YY1: variants seen among roughly 807,000 people sequenced by gnomAD.
YY1 encodes transcriptional repressor protein YY1.
In YY1, 2 loss-of-function variants were observed where a neutral mutation model predicts 35.6. The ratio of observed to expected loss-of-function variants is 0.06; its 90% CI spans 0.02 to 0.18. The LOEUF is 0.18. Ranked by LOEUF, YY1 falls within the 10% of genes least tolerant of loss-of-function variation. YY1 has a pLI of 1.00. For synonymous variants in YY1, 268 were observed against 238.9 expected (o/e 1.12, Z -1.12); for missense variants, 322 against 573.4 (o/e 0.56, Z 4.48).
chr14:100,269,706 T>C (rs916955108), intron 2 of YY1, among the ~76,000 whole-genome samples: 7 of 152,226 alleles, frequency 4.6e-5, no homozygotes, highest in African/African-American at 1.7e-4. Flanking sequence ...TGAAGGAGGA[T>C]GATTTGCCAA....
chr14:100,272,870 C>T (rs1891262443), intron 2 of YY1, among the ~76,000 whole-genome samples: 1 of 151,822 alleles, frequency 6.6e-6, no homozygotes, highest in Admixed American at 6.6e-5. Flanking sequence ...TTAGTTCCCA[C>T]TTATAAGTGA....
At chr14:100,250,523 AC>A (rs1353026589) in intron 1 of YY1, among the ~76,000 whole-genome samples, 1 of 151,992 alleles carries the variant, frequency 6.6e-6, no homozygotes, top group Non-Finnish European at 1.5e-5. Flanking sequence ...ATTACCATCA[AC>A]CCTAATGAGG....
At position 100,262,297 on chromosome 14, in the gene YY1, G is replaced by GT; in HGVS notation, c.680-4dup. On this transcript the variant is annotated splice_region_variant and splice_polypyrimidine_tract_variant and intron_variant, in intron 1 of 4. Coordinates refer to ENST00000262238, the MANE Select transcript of YY1 (RefSeq NM_003403.5). ...TCAGCTAAAGATAATCTCATGATGTGTTTCAGATGAAAAAAAAGATATTGA... is the reference window on the plus strand; with the variant it reads ...TCAGCTAAAGATAATCTCATGATGTGTTTTCAGATGAAAAAAAAGATATTGA... 1.9e-6 allele frequency: 3 copies of GT among 1,613,250 alleles called. No individual in the cohort carries two copies. The highest frequency in any genetic ancestry group is 2.5e-6 in the Non-Finnish European group (3 of 1,179,852).
At chr14:100,242,158 A>G (rs1434640153) in intron 1 of YY1, among the ~76,000 whole-genome samples, 1 of 152,066 alleles carries the variant, frequency 6.6e-6, no homozygotes, top group African/African-American at 2.4e-5. Context: ...AATTTAGAAA[A>G]CCGACATATT....
chr14:100,242,679 C>T (rs530918771), intron 1 of YY1, among the ~76,000 whole-genome samples: 22 of 152,278 alleles, frequency 1.4e-4, no homozygotes, highest in Admixed American at 1.1e-3. Context: ...TGAGCCACCG[C>T]GCCCAGCCAA....
At chr14:100,259,941 C>T (rs995131138) in intron 1 of YY1, among the ~76,000 whole-genome samples, 2 of 152,194 alleles carry the variant, frequency 1.3e-5, no homozygotes, top group Non-Finnish European at 2.9e-5. Context: ...GCTATATTTT[C>T]TGTGCCAGTT....
intron 2 of YY1, among the ~76,000 whole-genome samples, chr14:100,271,191 G>A (rs1487711509): frequency 1.3e-5 from 2 of 152,172 alleles, no homozygotes; most frequent in African/African-American, 4.8e-5. Flanking sequence ...AGCTTGCAGT[G>A]AGCTGAGATT....
chr14:100,240,303 C>T (rs1030727199), intron 1 of YY1, among the ~76,000 whole-genome samples: 9 of 146,530 alleles, frequency 6.1e-5, no homozygotes, highest in African/African-American at 1.2e-4. Flanking sequence ...CTGCGCGCCC[C>T]CGGCCCGGGC....
intron 2 of YY1, among the ~76,000 whole-genome samples, chr14:100,264,474 C>G (rs1425931178): frequency 6.6e-6 from 1 of 152,068 alleles, no homozygotes; most frequent in Non-Finnish European, 1.5e-5. Context: ...ACCCAGCTGG[C>G]CCTAGAGTTT....
At position 100,239,843 on chromosome 14, in the gene YY1, C is replaced by G; in HGVS notation, c.599C>G (p.Pro200Arg). The G allele has an allele frequency of 1.3e-6, 2 of 1,502,590 alleles. No individual in the cohort carries two copies. The highest frequency in any genetic ancestry group is 1.8e-6 in the Non-Finnish European group (2 of 1,132,052). The allele number at this position is 1,502,590 out of a possible 1,614,324, so 93.1% of individuals were successfully genotyped here. A position where few individuals can be genotyped will look rare whatever the true frequency, so the allele number is the denominator to read the frequency against. The stretch of plus-strand genomic sequence containing the variant: ...GCGGCGGGCGGCGGCGGCGCCGACC[C>G]GGGCAACAAGAAGTGGGAGCAGAAG... ...AGAAGGGGAD[P>R]GNKKWEQKQV... is the part of the protein sequence containing the mutation. Residue 200 changes from proline (P) to arginine (R), a missense_variant, in exon 1 of 5, where the codon CCG becomes CGG. Around this residue, in one of 4 missense-constraint regions of YY1, gnomAD observed 152 missense variants for 167.1 expected, o/e 0.91. Transcript: ENST00000262238.
intron 1 of YY1, 92 bp downstream of exon 1, chr14:100,240,015 C>T (rs1890703634): frequency 6.2e-6 from 8 of 1,286,736 alleles, no homozygotes; most frequent in Admixed American, 3.0e-5. Flanking sequence ...CCATCTTCTT[C>T]GCCAGGGCAA....
At chr14:100,260,291 G>A (rs1891062960) in intron 1 of YY1, among the ~76,000 whole-genome samples, 1 of 151,446 alleles carries the variant, frequency 6.6e-6, no homozygotes, top group Non-Finnish European at 1.5e-5. Flanking sequence ...TGGCCAGGCT[G>A]GTCTTGAACT....
chr14:100,266,056 A>G (rs1891149634), intron 2 of YY1, among the ~76,000 whole-genome samples: 1 of 152,068 alleles, frequency 6.6e-6, no homozygotes, highest in Non-Finnish European at 1.5e-5. Flanking sequence ...GCGGCAAGAG[A>G]AAAATGAGGT....
rs765552640 is a variant in YY1, at chr14:100,282,658, T to C, written c.*5058T>C. On this transcript the variant is annotated 3_prime_UTR_variant, in exon 5 of 5. Coordinates refer to ENST00000262238, the MANE Select transcript of YY1 (RefSeq NM_003403.5). The stretch of plus-strand genomic sequence containing the variant: ...CTCATAGGTCATAGATGCAGAAATA[T>C]AGTATTTAAGGCATCCGCATCCAGC... The C allele has an allele frequency of 1.3e-5, 2 of 152,234 alleles. No individual in the cohort carries two copies. The highest frequency in any genetic ancestry group is 2.4e-5 in the African/African-American group (1 of 41,456). 9.4% of individuals were successfully genotyped at this position (152,234 alleles called of 1,614,324 possible). A position where few individuals can be genotyped will look rare whatever the true frequency, so the allele number is the denominator to read the frequency against.
intron 2 of YY1, chr14:100,263,676 AAG>A (rs1232824677): frequency 5.9e-5 from 9 of 152,182 alleles, no homozygotes; most frequent in African/African-American, 1.9e-4. Flanking sequence ...ATCAAGAAGA[AAG>A]AAATCCTTTT....
rs2139605071 is a variant in YY1 at position 100,277,081 on chromosome 14, A to G, written c.1063-337A>G. 2.2e-6 allele frequency: 1 copy of G among 454,324 alleles called. No individual in the cohort carries two copies. Among genetic ancestry groups the G allele is most frequent in the East Asian group, 4.2e-5 (1 of 23,634 alleles). 28.1% of individuals were successfully genotyped at this position (454,324 alleles called of 1,614,324 possible). On this transcript the variant is annotated intron_variant, in intron 4 of 4. Coordinates refer to ENST00000262238, the MANE Select transcript of YY1 (RefSeq NM_003403.5). This position sits in a 1 kb window ranked among gnomAD's most constrained non-coding sequence, Gnocchi z 5.6. ...AACTAGCAGTGCAGCTAGTAAATCT[A>G]ACGTGGTTCTTTTTTGACAACTGAC...
At chr14:100,255,751 A>G (rs887417206) in intron 1 of YY1, among the ~76,000 whole-genome samples, 5 of 152,224 alleles carry the variant, frequency 3.3e-5, no homozygotes, top group East Asian at 1.9e-4. Context: ...GCTTAGGGCA[A>G]ACTGCTTTTG....
intron 1 of YY1, among the ~76,000 whole-genome samples, chr14:100,258,394 C>T (rs1452095104): frequency 6.6e-6 from 1 of 151,986 alleles, no homozygotes; most frequent in Non-Finnish European, 1.5e-5. Context: ...TATTTTTTTC[C>T]TAGGCCCCAC....
intron 2 of YY1, among the ~76,000 whole-genome samples, chr14:100,270,634 G>GAA (rs1400191830): frequency 6.6e-6 from 1 of 151,826 alleles, no homozygotes; most frequent in Admixed American, 6.6e-5. Flanking sequence ...AAAAAGAAAA[G>GAA]AAAAGAAAAT....
Sources: allele counts gnomAD v4.1 joint callset (sites outside exome capture counted in the v4.1 genomes callset), GRCh38; gene constraint gnomAD v4.1.1; regional missense constraint gnomAD v4.1.1; non-coding constraint Gnocchi (gnomAD v3.1); transcripts MANE v1.5; gene names NCBI Gene and HGNC (gene_info 2026-07-23, HGNC 2026-07-21).